ATP9A: variants seen among roughly 807,000 people sequenced by gnomAD.
ATP9A encodes the protein ATPase phospholipid transporting 9A, also known as probable phospholipid-transporting ATPase IIA.
ATP9A carries 52 observed loss-of-function variants against 144.1 expected under a neutral mutation model. The ratio of observed to expected loss-of-function variants is 0.36; its 90% CI spans 0.29 to 0.45. The LOEUF (loss-of-function observed/expected upper bound fraction) is 0.45, where lower values mean the gene tolerates loss of function less well. Among genes scored for constraint, ATP9A ranks in the 20% least tolerant of loss-of-function variants. The probability of loss-of-function intolerance (pLI) is 1.00; values close to 1 mark genes in which losing one functional copy is unlikely to be tolerated. For synonymous variants in ATP9A, 582 were observed against 557.4 expected, an observed-to-expected ratio of 1.04 and a Z score of -0.62; for missense variants, 947 against 1,392.7, an observed-to-expected ratio of 0.68 and a Z score of 5.09.
intron 14 of ATP9A, among the ~76,000 whole-genome samples, chr20:51,653,523 C>T (rs145532215): frequency 2.6e-5 from 4 of 152,228 alleles, no homozygotes; most frequent in Non-Finnish European, 4.4e-5. Flanking sequence ...GCGGTGGTTA[C>T]GCCTGTAACC....
At position 51,607,551 on chromosome 20, in the gene ATP9A, ATAT is replaced by A; in HGVS notation, c.2776_2778del (p.Ile926del). Reference sequence around the variant, plus strand: ...CCTTGATAGATGCTAATCAAAACCCATATTAAGAATGTCTTGTAGGACAACGGC... The same window carrying A: ...CCTTGATAGATGCTAATCAAAACCCATAAGAATGTCTTGTAGGACAACGGC... On this transcript the variant is annotated inframe_deletion, in exon 26 of 28. Transcript: ENST00000338821. The A allele has an allele frequency of 6.2e-7, 1 of 1,613,390 alleles. No individual in the cohort carries two copies. The highest frequency in any genetic ancestry group is 8.5e-7 in the Non-Finnish European group (1 of 1,179,452).
intron 1 of ATP9A, among the ~76,000 whole-genome samples, chr20:51,752,504 T>C (rs891564588): frequency 2.0e-5 from 3 of 152,342 alleles, no homozygotes; most frequent in Admixed American, 2.0e-4. Context: ...AATAAACGGA[T>C]GAATCAACAG....
chr20:51,628,065 C>A (rs2077256692), intron 16 of ATP9A, among the ~76,000 whole-genome samples: 1 of 152,174 alleles, frequency 6.6e-6, no homozygotes, highest in Non-Finnish European at 1.5e-5. Context: ...GCAGTGGCCT[C>A]CACGTGTTCC....
chr20:51,763,314 CTTT>C (rs199506194), intron 1 of ATP9A, among the ~76,000 whole-genome samples: 4 of 135,136 alleles, frequency 3.0e-5, no homozygotes, highest in African/African-American at 2.8e-5. Flanking sequence ...GGTTTACATA[CTTT>C]TTTTTTTTTT....
At chr20:51,681,977 G>A (rs1019717724) in intron 9 of ATP9A, among the ~76,000 whole-genome samples, 12 of 152,094 alleles carry the variant, frequency 7.9e-5, no homozygotes, top group Admixed American at 7.2e-4. Context: ...GGGCAGGTGT[G>A]GGGCAGCTAG....
intron 26 of ATP9A, among the ~76,000 whole-genome samples, chr20:51,605,924 A>AAG (rs1277399855): frequency 6.6e-6 from 1 of 151,932 alleles, no homozygotes; most frequent in Non-Finnish European, 1.5e-5. Context: ...AAAAAAAAAA[A>AAG]AAGAATAAAC....
intron 14 of ATP9A, among the ~76,000 whole-genome samples, chr20:51,645,872 C>G (rs1428316879): frequency 6.6e-6 from 1 of 152,178 alleles, no homozygotes; most frequent in Non-Finnish European, 1.5e-5. Context: ...AAGAAATCAC[C>G]CCGTAACACA....
chr20:51,711,266 A>G lies in ATP9A; in HGVS notation c.436+1700T>C, dbSNP rs140700357. On this transcript the variant is annotated intron_variant, in intron 4 of 27. Coordinates refer to ENST00000338821, the MANE Select transcript of ATP9A (RefSeq NM_006045.3). ...ACCACCAACCACGACAATGTATTCA[A>G]ATACCCTAAAACAAAGTATTTTCAT... Among the ~76,000 whole-genome samples the G allele has an allele frequency of 4.1e-3, 628 of 152,328 alleles. 3 individuals are homozygous for G. Among genetic ancestry groups the G allele is most frequent in the African/African-American group, 9.8e-3 (408 of 41,562 alleles).
chr20:51,632,888 C>T (rs576767320), intron 15 of ATP9A, among the ~76,000 whole-genome samples: 5 of 152,160 alleles, frequency 3.3e-5, no homozygotes, highest in African/African-American at 9.6e-5. Flanking sequence ...TTTGGGGGGC[C>T]GAGGCTGGTG....
At chr20:51,634,911 G>A (rs116518010) in intron 15 of ATP9A, among the ~76,000 whole-genome samples, 173 of 149,814 alleles carry the variant, frequency 1.2e-3, no homozygotes, top group African/African-American at 4.1e-3. Context: ...CATGGTGTGC[G>A]TCTCTGGTTC....
At chr20:51,699,259 G>A (rs1350743506) in intron 4 of ATP9A, among the ~76,000 whole-genome samples, 3 of 150,624 alleles carry the variant, frequency 2.0e-5, no homozygotes, top group Admixed American at 6.6e-5. Context: ...CTTGAACCCG[G>A]GAGGTGGAGG....
intron 13 of ATP9A, among the ~76,000 whole-genome samples, chr20:51,662,594 A>ATT (rs147164215): frequency 4.8e-5 from 7 of 146,856 alleles, no homozygotes; most frequent in African/African-American, 1.7e-4. Context: ...TGCTTTATTT[A>ATT]TTTTTTTTTT....
intron 10 of ATP9A, among the ~76,000 whole-genome samples, chr20:51,675,552 G>A (rs750594462): frequency 6.6e-6 from 1 of 152,172 alleles, no homozygotes; most frequent in African/African-American, 2.4e-5. Context: ...AACACAAGGC[G>A]TGCAAACCGT....
At chr20:51,664,523 G>A (rs1011861131) in intron 13 of ATP9A, among the ~76,000 whole-genome samples, 1 of 152,024 alleles carries the variant, frequency 6.6e-6, no homozygotes, top group Non-Finnish European at 1.5e-5. Context: ...GAGGGGTCAA[G>A]GCTACAGTGA....
Position 51,677,291 on chromosome 20 carries a change from G to A in ATP9A, c.800-1083C>T, listed in dbSNP as rs375973929. ...TACATTAGGGCCAAACCAATGATCT[G>A]CGGCTACACTGACCAAAAGAACAGT... On this transcript the variant is annotated intron_variant, in intron 9 of 27. Coordinates refer to ENST00000338821, the MANE Select transcript of ATP9A (RefSeq NM_006045.3). Among the ~76,000 whole-genome samples, 7 of 152,216 alleles carry A rather than the reference G, an allele frequency of 4.6e-5. No homozygotes were observed. The East Asian group carries it at 9.7e-4, about 21-fold the overall frequency.
chr20:51,674,469 G>A (rs1308180955), intron 10 of ATP9A, among the ~76,000 whole-genome samples, 156 bp from the exon 11 acceptor site: 1 of 152,156 alleles, frequency 6.6e-6, no homozygotes, highest in African/African-American at 2.4e-5. Context: ...TCTACCCCAG[G>A]TAGGACAGTG....
At chr20:51,740,979 G>A (rs1027843650) in intron 1 of ATP9A, among the ~76,000 whole-genome samples, 1 of 144,222 alleles carries the variant, frequency 6.9e-6, no homozygotes, top group Non-Finnish European at 1.5e-5. Flanking sequence ...CCACCTTGGC[G>A]GCTTCTACCA....
chr20:51,753,118 G>A (rs1338768449), intron 1 of ATP9A, among the ~76,000 whole-genome samples: 1 of 150,842 alleles, frequency 6.6e-6, no homozygotes, highest in East Asian at 2.0e-4. Context: ...AAAAAAGAAA[G>A]AAAGAAAGAA....
intron 8 of ATP9A, among the ~76,000 whole-genome samples, chr20:51,689,568 C>T (rs1323762108): frequency 6.7e-6 from 1 of 150,308 alleles, no homozygotes; most frequent in Non-Finnish European, 1.5e-5. Flanking sequence ...GATGGAGTCT[C>T]GCTCTGCCAC....
Sources: gnomAD v4.1 joint callset for allele counts (sites outside exome capture counted in the v4.1 genomes callset) on GRCh38, gnomAD v4.1.1 for gene constraint, MANE v1.5 for transcripts, NCBI Gene and HGNC (gene_info 2026-07-23, HGNC 2026-07-21) for gene names.